The following HTR1F variants were observed in gnomAD, a reference collection of about 807,000 sequenced individuals.
HTR1F encodes the protein 5-hydroxytryptamine (serotonin) receptor 1F, G protein-coupled.
In HTR1F, 17 loss-of-function variants were observed where a neutral mutation model predicts 24.0. That is an observed-to-expected ratio of 0.71 (90% CI 0.48 to 1.06). The LOEUF (loss-of-function observed/expected upper bound fraction) is 1.06, where lower values mean the gene tolerates loss of function less well. Ranked by LOEUF, HTR1F falls within the 50% of genes least tolerant of loss-of-function variation. The probability of loss-of-function intolerance (pLI) is 0.00; values close to 1 mark genes in which losing one functional copy is unlikely to be tolerated. For missense variants in HTR1F, 391 were observed against 427.8 expected, an observed-to-expected ratio of 0.91 and a Z score of 0.76; for synonymous variants, 186 against 156.8, an observed-to-expected ratio of 1.19 and a Z score of -1.39.
chr3:87,902,302 A>C (rs1238263772), intron 2 of HTR1F, among the ~76,000 whole-genome samples: 1 of 152,170 alleles, frequency 6.6e-6, no homozygotes, highest in Non-Finnish European at 1.5e-5. Context: ...ATATGCCACC[A>C]CTATGCAAAG....
chr3:87,955,948 A>G (rs1260855319), intron 2 of HTR1F, among the ~76,000 whole-genome samples: 8 of 151,398 alleles, frequency 5.3e-5, no homozygotes, highest in Non-Finnish European at 1.0e-4. Flanking sequence ...GGATACAAAT[A>G]TTTTATCATG....
At chr3:87,806,052 C>T (rs866999507) in intron 1 of HTR1F, among the ~76,000 whole-genome samples, 1 of 152,104 alleles carries the variant, frequency 6.6e-6, no homozygotes, top group Middle Eastern at 3.4e-3. Context: ...AACATAATGA[C>T]CGCCAGTTCC....
chr3:87,798,234 G>A (rs554862111), intron 1 of HTR1F, among the ~76,000 whole-genome samples: 3 of 151,988 alleles, frequency 2.0e-5, no homozygotes, highest in African/African-American at 4.8e-5. Flanking sequence ...GTTCTTCACC[G>A]GGACTTCAGA....
intron 2 of HTR1F, among the ~76,000 whole-genome samples, chr3:87,931,185 C>A (rs927205457): frequency 1.3e-5 from 2 of 151,998 alleles, no homozygotes; most frequent in African/African-American, 4.8e-5. Context: ...TCCCCTAATG[C>A]TATCACTCCC....
intron 1 of HTR1F, among the ~76,000 whole-genome samples, chr3:87,810,627 C>T (rs1704144332): frequency 6.6e-6 from 1 of 152,126 alleles, no homozygotes; most frequent in Non-Finnish European, 1.5e-5. Flanking sequence ...TTCCATCAAA[C>T]TGAATCACAC....
chr3:87,915,211 G>A (rs1703866686), intron 2 of HTR1F, among the ~76,000 whole-genome samples: 1 of 152,104 alleles, frequency 6.6e-6, no homozygotes, highest in South Asian at 2.1e-4. Flanking sequence ...ACAGCCTTCA[G>A]GCCTAGACCT....
intron 2 of HTR1F, among the ~76,000 whole-genome samples, chr3:87,895,589 G>C (rs776460177): frequency 6.6e-6 from 1 of 151,932 alleles, no homozygotes; most frequent in African/African-American, 2.4e-5. Flanking sequence ...ATACATCTTC[G>C]GATTTTACCA....
At chr3:87,909,722 C>A (rs2915288) in intron 2 of HTR1F, among the ~76,000 whole-genome samples, 4 of 151,832 alleles carry the variant, frequency 2.6e-5, no homozygotes, top group South Asian at 4.1e-4. Context: ...AACAGACAGC[C>A]CCAGAGTCTT....
intron 2 of HTR1F, among the ~76,000 whole-genome samples, chr3:87,881,658 T>C (rs140453827): frequency 0.075 from 11,363 of 152,312 alleles, 522 homozygotes; most frequent in Middle Eastern, 0.12. Flanking sequence ...GCTAGCCATA[T>C]GTAAAAGGCT....
rs983986641 is a variant in HTR1F, at chr3:87,973,003, T to C, written c.-42-17705T>C. On this transcript the variant is annotated intron_variant, in intron 2 of 2. Transcript: ENST00000319595. ...CTGGCCAACTCCATCTCTACTAAAA[T>C]ACAAAAAAAAAAAAAAATTTAGCCA... is the stretch of plus-strand genomic sequence containing the variant. 1.7e-4 allele frequency among the ~76,000 whole-genome samples: 8 copies of C among 45,842 alleles called. No homozygotes were observed. In the Admixed American group the frequency reaches 1.9e-3, roughly 11 times the overall value. The allele number at this position is 45,842 out of a possible 152,430, so 30.1% of individuals were successfully genotyped here.
chr3:87,931,039 T>A (rs1326963312), intron 2 of HTR1F, among the ~76,000 whole-genome samples: 4 of 112,428 alleles, frequency 3.6e-5, no homozygotes, highest in African/African-American at 1.5e-4. Context: ...TTTTTTTTTT[T>A]TTTTTTTACT....
In HTR1F at chr3:87,993,788, T is replaced by C. The variant is rs1442927428; in HGVS notation, c.*1938T>C. On this transcript the variant is annotated 3_prime_UTR_variant, in exon 3 of 3. Coordinates refer to ENST00000319595, the MANE Select transcript of HTR1F (RefSeq NM_001322209.2). The stretch of plus-strand genomic sequence containing the variant: ...ATTGCTGACGATGGGTAATCACTGA[T>C]ACTTTTAGCAAAAATATTACAAGTT... 2.4e-5 allele frequency: 4 copies of C among 166,938 alleles called. No homozygotes were observed. Among genetic ancestry groups the C allele is most frequent in the Non-Finnish European group, 4.4e-5 (3 of 68,110 alleles). The allele number at this position is 166,938 out of a possible 1,614,324, so 10.3% of individuals were successfully genotyped here. A position where few individuals can be genotyped will look rare whatever the true frequency, so the allele number is the denominator to read the frequency against.
intron 2 of HTR1F, among the ~76,000 whole-genome samples, chr3:87,946,275 G>C (rs1006391922): frequency 1.3e-5 from 2 of 152,180 alleles, no homozygotes; most frequent in Non-Finnish European, 2.9e-5. Context: ...CAAAAGCTCA[G>C]CTCGAACCAT....
intron 2 of HTR1F, among the ~76,000 whole-genome samples, chr3:87,979,890 G>C (rs1576117196): frequency 6.6e-6 from 1 of 152,228 alleles, no homozygotes; most frequent in African/African-American, 2.4e-5. Flanking sequence ...TTCTGCTGTG[G>C]GCGCCCATAT....
chr3:87,962,821 A>C (rs746150752), intron 2 of HTR1F, among the ~76,000 whole-genome samples: 2 of 152,074 alleles, frequency 1.3e-5, no homozygotes, highest in Non-Finnish European at 2.9e-5. Context: ...AAAATAATGA[A>C]AATTAAATTA....
intron 2 of HTR1F, among the ~76,000 whole-genome samples, chr3:87,831,713 G>C (rs1704584608): frequency 2.0e-5 from 3 of 152,214 alleles, no homozygotes; most frequent in Admixed American, 2.0e-4. Context: ...CAGTGCTATA[G>C]ATTATTATCC....
intron 2 of HTR1F, among the ~76,000 whole-genome samples, chr3:87,908,982 G>A (rs1293522505): frequency 2.0e-5 from 3 of 152,062 alleles, no homozygotes; most frequent in African/African-American, 7.2e-5. Flanking sequence ...TGTTTTAGTA[G>A]AGTAGTAGAT....
intron 2 of HTR1F, among the ~76,000 whole-genome samples, chr3:87,844,333 G>A (rs1311326161): frequency 6.9e-6 from 1 of 144,262 alleles, no homozygotes; most frequent in African/African-American, 2.7e-5. Flanking sequence ...CTTCTTTTGA[G>A]AAGTGTCTGT....
At chr3:87,886,738 A>G (rs1705955877) in intron 2 of HTR1F, among the ~76,000 whole-genome samples, 1 of 152,166 alleles carries the variant, frequency 6.6e-6, no homozygotes, top group Admixed American at 6.6e-5. Context: ...CACAATTGCT[A>G]CAGAGAATAA....
Sources: gnomAD v4.1 joint callset for allele counts (sites outside exome capture counted in the v4.1 genomes callset) on GRCh38, gnomAD v4.1.1 for gene constraint, MANE v1.5 for transcripts, NCBI Gene and HGNC (gene_info 2026-07-23, HGNC 2026-07-21) for gene names.